MTMR1: variants seen among roughly 807,000 people sequenced by gnomAD.
MTMR1 encodes myotubularin related protein 1, also known as phosphatidylinositol-3-phosphate phosphatase MTMR1.
In MTMR1, 17 loss-of-function variants were observed where a neutral mutation model predicts 51.6. That is an observed-to-expected ratio of 0.33 (90% CI 0.23 to 0.49). MTMR1 has a LOEUF of 0.49. Ranked by LOEUF, MTMR1 falls within the 20% of genes least tolerant of loss-of-function variation. MTMR1 has a pLI of 0.99. For missense variants in MTMR1, 386 were observed against 526.9 expected, an observed-to-expected ratio of 0.73 and a Z score of 2.62; for synonymous variants, 201 against 205.6, an observed-to-expected ratio of 0.98 and a Z score of 0.19.
rs1557417178 is a variant in MTMR1 at position 150,736,758 on chromosome X, C to T, written c.1244C>T (p.Thr415Met). 3.3e-6 allele frequency: 4 copies of T among 1,207,114 alleles called. No individual in the cohort carries two copies. The highest frequency in any genetic ancestry group is 3.0e-5 in the East Asian group (1 of 33,777). ...EARWLSNVDG[T>M]HWLEYIRMLL... ...CGGTGGCTCTCCAATGTGGATGGGA[C>T]GCATTGGCTGGAATATATAAGGGTA... Residue 415 changes from threonine (T) to methionine (M), a missense_variant, in exon 11 of 16, where the codon ACG becomes ATG. Transcript: ENST00000445323.
At chrX:150,694,043 T>C in intron 1 of MTMR1, among the ~76,000 whole-genome samples, 1 of 111,510 alleles carries the variant, frequency 9.0e-6, no homozygotes, top group East Asian at 2.9e-4. Context: ...GGGAGGGAGA[T>C]CCCACCCGGG....
chrX:150,762,444 G>A, intron 15 of MTMR1, 121 bp from the exon 16 acceptor site: 1 of 925,310 alleles, frequency 1.1e-6, no homozygotes, highest in African/African-American at 1.9e-5. Flanking sequence ...CGCCTCAGGA[G>A]ACTTTGGCCG....
In MTMR1 at chrX:150,718,678, A is replaced by G; in HGVS notation, c.330A>G (p.Pro110=). The change falls in exon 4 of 16, where the codon CCA becomes CCG. Residue 110 remains proline (P), a synonymous_variant. Coordinates refer to ENST00000445323, the MANE Select transcript of MTMR1 (RefSeq NM_001306144.3). ...LAQMEEAPLF[P]GESIKAIVKD... is the part of the protein sequence containing the mutation. ...AGATGGAAGAGGCTCCACTTTTCCCAGGAGAATCAATTAAAGCCATTGGTA... is the reference window on the plus strand; with the variant it reads ...AGATGGAAGAGGCTCCACTTTTCCCGGGAGAATCAATTAAAGCCATTGGTA... 2 of 1,183,817 alleles carry G rather than the reference A, an allele frequency of 1.7e-6. No individual in the cohort carries two copies.
chrX:150,708,961 A>T (rs991284550), intron 2 of MTMR1, among the ~76,000 whole-genome samples: 6 of 110,723 alleles, frequency 5.4e-5, no homozygotes, highest in African/African-American at 2.0e-4. Context: ...ATGCCGACTT[A>T]CCTCCCTCAG....
At chrX:150,705,881 C>G (rs1390811692) in intron 2 of MTMR1, among the ~76,000 whole-genome samples, 5 of 112,118 alleles carry the variant, frequency 4.5e-5, no homozygotes, top group African/African-American at 1.6e-4. Flanking sequence ...AGTTGCATTT[C>G]TATGTACTAG....
intron 3 of MTMR1, among the ~76,000 whole-genome samples, chrX:150,715,016 C>A (rs2041448634): frequency 8.9e-6 from 1 of 111,995 alleles, no homozygotes; most frequent in African/African-American, 3.2e-5. Flanking sequence ...CTCAGTACCT[C>A]TAGACCCTCT....
chrX:150,757,938 A>G (rs2042952631), intron 15 of MTMR1, among the ~76,000 whole-genome samples: 2 of 110,640 alleles, frequency 1.8e-5, no homozygotes. Context: ...GAATTCCCCA[A>G]GACACTCGAT....
At chrX:150,707,073 A>G (rs958533187) in intron 2 of MTMR1, among the ~76,000 whole-genome samples, 5 of 111,623 alleles carry the variant, frequency 4.5e-5, no homozygotes, top group Non-Finnish European at 9.4e-5. Context: ...AAAACAAAAC[A>G]AAACCTTGAT....
At chrX:150,722,167 A>G (rs1466268299) in intron 4 of MTMR1, among the ~76,000 whole-genome samples, 1 of 112,232 alleles carries the variant, frequency 8.9e-6, no homozygotes, top group Non-Finnish European at 1.9e-5. Context: ...GTCCCAGAAT[A>G]TGCCCTGTCT....
At position 150,755,855 on chromosome X, in the gene MTMR1, T is replaced by C; in HGVS notation, c.1847T>C (p.Met616Thr). 8.3e-7 allele frequency: 1 copy of C among 1,198,864 alleles called. No homozygotes were observed. The highest frequency in any genetic ancestry group is 1.1e-6 in the Non-Finnish European group (1 of 890,237). ...TATTATGTACGATGGAATCCACGGA[T>C]GAGACCTCAGGTATCTTTTTGTTTT... ...VNYYVRWNPR[M>T]RPQMPIHQNL... is the part of the protein sequence containing the mutation. The change falls in exon 15 of 16, where the codon ATG becomes ACG. Residue 616 changes from methionine to threonine, a missense_variant. Physicochemically the swap from Met to Thr is moderately conservative, Grantham distance 81 (BLOSUM62 -1). Transcript: ENST00000445323.
At chrX:150,716,356 AGT>A (rs782245018) in intron 3 of MTMR1, among the ~76,000 whole-genome samples, 72 of 112,847 alleles carry the variant, frequency 6.4e-4, no homozygotes, top group African/African-American at 2.2e-3. Flanking sequence ...GAGATCTTTT[AGT>A]GTTTCTAAAA....
intron 2 of MTMR1, among the ~76,000 whole-genome samples, chrX:150,708,243 G>T (rs2041182749): frequency 9.0e-6 from 1 of 111,705 alleles, no homozygotes; most frequent in Non-Finnish European, 1.9e-5. Context: ...CTGGTACATG[G>T]AATCTGTATT....
intron 1 of MTMR1, among the ~76,000 whole-genome samples, chrX:150,696,343 C>G (rs782489807): frequency 1.8e-5 from 2 of 111,608 alleles, no homozygotes; most frequent in African/African-American, 3.3e-5. Context: ...GAACCTGGCT[C>G]TATGGGTGGG....
At chrX:150,704,261 C>T (rs1201564392) in intron 2 of MTMR1, among the ~76,000 whole-genome samples, 1 of 111,224 alleles carries the variant, frequency 9.0e-6, no homozygotes, top group East Asian at 2.8e-4. Context: ...GAAAAGCCTA[C>T]TCTGTCTAGC....
intron 1 of MTMR1, among the ~76,000 whole-genome samples, chrX:150,696,075 T>C (rs2040664597): frequency 9.0e-6 from 1 of 111,180 alleles, no homozygotes; most frequent in African/African-American, 3.3e-5. Context: ...TTTAGACAGG[T>C]TGAATTGGCA....
chrX:150,759,424 A>AC (rs1557417883), intron 15 of MTMR1, among the ~76,000 whole-genome samples: 35 of 111,459 alleles, frequency 3.1e-4, no homozygotes, highest in African/African-American at 1.1e-3. Flanking sequence ...GAGTGTCATG[A>AC]ACATTAGCAG....
chrX:150,751,910 CTTTTTTTTTTTTTTT>C (rs35937277), intron 14 of MTMR1, among the ~76,000 whole-genome samples: 2 of 41,622 alleles, frequency 4.8e-5, no homozygotes, highest in Non-Finnish European at 4.2e-5. Context: ...CTTTTTCTTT[CTTTTTTTTTTTTTTT>C]TTTTTTTTTT....
chrX:150,745,429 C>G (rs1181443735), intron 13 of MTMR1, among the ~76,000 whole-genome samples: 1 of 111,893 alleles, frequency 8.9e-6, no homozygotes, highest in Non-Finnish European at 1.9e-5. Flanking sequence ...AATAGCCCTG[C>G]TGCTCTTGAT....
At chrX:150,750,992 C>G in intron 14 of MTMR1, 149 bp downstream of exon 14, 2 of 1,128,219 alleles carry the variant, frequency 1.8e-6, no homozygotes, top group Non-Finnish European at 2.4e-6. Context: ...CTGGCCAGCC[C>G]CACCGCATGT....
Sources: allele counts gnomAD v4.1 joint callset (sites outside exome capture counted in the v4.1 genomes callset), GRCh38; gene constraint gnomAD v4.1.1; transcripts MANE v1.5; gene names NCBI Gene and HGNC (gene_info 2026-07-23, HGNC 2026-07-21).